Variants in SDHA observed in about 807,000 individuals in gnomAD.
The protein encoded by SDHA is succinate dehydrogenase [ubiquinone] flavoprotein subunit, mitochondrial.
Under a neutral mutation model 78.4 loss-of-function variants are expected in SDHA, and 48 were observed. The observed-to-expected ratio is 0.61, with a 90% CI of 0.49 to 0.78. The LOEUF (loss-of-function observed/expected upper bound fraction) is 0.78. SDHA is among the 30% of genes least tolerant of loss of function. SDHA has a pLI of 0.00. For missense variants in SDHA, 680 were observed against 892.7 expected (o/e 0.76, Z 3.04); for synonymous variants, 326 against 353.9 (o/e 0.92, Z 0.88).
At chr5:231,631 C>T (rs539903912) in intron 7 of SDHA, among the ~76,000 whole-genome samples, 11 of 151,884 alleles carry the variant, frequency 7.2e-5, no homozygotes, top group Admixed American at 5.2e-4. Flanking sequence ...GTCAGCTCCT[C>T]GGGCAGGCAG....
intron 10 of SDHA, among the ~76,000 whole-genome samples, chr5:238,956 A>G (rs1735955088): frequency 6.6e-6 from 1 of 151,592 alleles, no homozygotes; most frequent in Non-Finnish European, 1.5e-5. Context: ...GGGAGGAGAC[A>G]CTGTCTCAAA....
chr5:250,939 G>C, intron 11 of SDHA, 53 bp from the exon 12 acceptor site: 2 of 1,462,706 alleles, frequency 1.4e-6, no homozygotes, highest in Middle Eastern at 2.4e-4. Context: ...AGCAGTTCTT[G>C]GTATGGCTGC....
At chr5:252,541 C>T (rs1736909683) in intron 13 of SDHA, among the ~76,000 whole-genome samples, 1 of 149,922 alleles carries the variant, frequency 6.7e-6, no homozygotes, top group Non-Finnish European at 1.5e-5. Context: ...CGTTTCAAAC[C>T]TGCCCTGTGG....
At chr5:250,435 G>A in intron 11 of SDHA, 1 of 189,740 alleles carries the variant, frequency 5.3e-6, no homozygotes, top group East Asian at 1.3e-4. Flanking sequence ...AAGGAACTCA[G>A]TGTACAAGGA....
intron 9 of SDHA, chr5:235,753 C>T (rs563277059): frequency 1.8e-4 from 59 of 333,052 alleles, no homozygotes; most frequent in African/African-American, 7.5e-4. Flanking sequence ...AAGAGGTGAA[C>T]GGGGTAGAAC....
chr5:244,792 G>A (rs1216539932), intron 11 of SDHA, among the ~76,000 whole-genome samples: 1 of 152,132 alleles, frequency 6.6e-6, no homozygotes, highest in African/African-American at 2.4e-5. Flanking sequence ...GATAACTTCT[G>A]TACCTATAAA....
the SDHA span, among the ~76,000 whole-genome samples, chr5:263,385 A>C: frequency 3.3e-5 from 5 of 152,324 alleles, no homozygotes; most frequent in African/African-American, 1.2e-4. Context: ...ACTAGGAAGG[A>C]GCGGACTATT....
At chr5:228,052 T>A in intron 5 of SDHA, 133 bp from the exon 6 acceptor site, 5 of 867,408 alleles carry the variant, frequency 5.8e-6, no homozygotes, top group Non-Finnish European at 9.4e-6. Flanking sequence ...TCACTGACAC[T>A]GTTGCTGATC....
At chr5:243,600 T>C (rs1264199540) in intron 11 of SDHA, among the ~76,000 whole-genome samples, 1 of 152,122 alleles carries the variant, frequency 6.6e-6, no homozygotes, top group African/African-American at 2.4e-5. Flanking sequence ...ACCCTTCCTT[T>C]AGTGCAGTAA....
chr5:251,338 G>A lies in SDHA; in HGVS notation c.1664G>A (p.Gly555Glu), dbSNP rs137852768. The change falls in exon 13 of 15, where the codon GGA becomes GAA. Residue 555 changes from glycine to glutamate, a missense_variant and splice_region_variant. By Grantham distance (98) the Gly-to-Glu change is moderately conservative (BLOSUM62 -2). Transcript: ENST00000264932. Reference protein sequence around the residue: ...DLKHLKTFDRGMVWNTDLVET... With the variant: ...DLKHLKTFDREMVWNTDLVET... Reference sequence around the variant, plus strand: ...CTGATGGAACTTTTTGTGTCCCCAGGAATGGTCTGGAACACGGACCTGGTG... The same window carrying A: ...CTGATGGAACTTTTTGTGTCCCCAGAAATGGTCTGGAACACGGACCTGGTG... 1.2e-6 allele frequency: 2 copies of A among 1,612,946 alleles called. No homozygotes were observed. The highest frequency in any genetic ancestry group is 1.1e-5 in the South Asian group (1 of 91,012).
intron 11 of SDHA, chr5:249,955 G>A (rs1263270827): frequency 6.6e-6 from 1 of 152,208 alleles, no homozygotes; most frequent in African/African-American, 2.4e-5. Context: ...GCTTTACAAT[G>A]TGCCAGCAGT....
At chr5:221,298 A>T (rs1734698826) in intron 1 of SDHA, among the ~76,000 whole-genome samples, 1 of 152,172 alleles carries the variant, frequency 6.6e-6, no homozygotes, top group Non-Finnish European at 1.5e-5. Flanking sequence ...TCTTTAGCGG[A>T]TATGCAGGTG....
chr5:268,188 CTT>C, the SDHA span, among the ~76,000 whole-genome samples: 24 of 145,094 alleles, frequency 1.7e-4, no homozygotes, highest in Admixed American at 3.4e-4. Flanking sequence ...TTTTTTCTTT[CTT>C]TTTTTTTTTT....
At chr5:232,069 T>C (rs1402105162) in intron 7 of SDHA, among the ~76,000 whole-genome samples, 2 of 152,226 alleles carry the variant, frequency 1.3e-5, no homozygotes, top group East Asian at 3.8e-4. Context: ...TATACTTTTC[T>C]GGGTTGCTTT....
chr5:261,669 C>T (rs1166394666), downstream of SDHA, among the ~76,000 whole-genome samples: 169 of 84,510 alleles, frequency 2.0e-3, no homozygotes, highest in Non-Finnish European at 3.2e-3. Flanking sequence ...GTGTGAGCTC[C>T]GCCTCCCGTC....
At chr5:267,632 G>A in the SDHA span, among the ~76,000 whole-genome samples, 1 of 152,206 alleles carries the variant, frequency 6.6e-6, no homozygotes, top group African/African-American at 2.4e-5. Flanking sequence ...AACAGAAAAG[G>A]CATTTTCAAA....
At chr5:258,436 CTG>C (rs1554003417), downstream of SDHA, among the ~76,000 whole-genome samples, 1 of 117,240 alleles carries the variant, frequency 8.5e-6, no homozygotes, top group Non-Finnish European at 1.6e-5. Flanking sequence ...CAGAGCATTA[CTG>C]TGAGCTCCAT....
At chr5:231,836 C>T (rs1735422439) in intron 7 of SDHA, among the ~76,000 whole-genome samples, 1 of 152,154 alleles carries the variant, frequency 6.6e-6, no homozygotes, top group Non-Finnish European at 1.5e-5. Flanking sequence ...GTGACAGAAC[C>T]CCATGTGACA....
intron 3 of SDHA, 42 bp from the exon 4 acceptor site, chr5:225,377 C>A (rs377528979): frequency 1.2e-6 from 2 of 1,611,612 alleles, no homozygotes; most frequent in Non-Finnish European, 8.5e-7. Flanking sequence ...ACAAAGTTGG[C>A]GCTCCTGTTT....
Sources: gnomAD v4.1 joint callset for allele counts (sites outside exome capture counted in the v4.1 genomes callset) on GRCh38, gnomAD v4.1.1 for gene constraint, MANE v1.5 for transcripts, NCBI Gene and HGNC (gene_info 2026-07-23, HGNC 2026-07-21) for gene names.